The following CDYL2 variants were observed in gnomAD, a reference collection of about 807,000 sequenced individuals.
CDYL2 encodes chromodomain Y-like protein 2.
Under a neutral mutation model 49.4 loss-of-function variants are expected in CDYL2, and 23 were observed. That is an observed-to-expected ratio of 0.47 (90% confidence interval 0.34 to 0.66). The LOEUF (loss-of-function observed/expected upper bound fraction) is 0.66. CDYL2 is among the 30% of genes least tolerant of loss of function. The pLI, the probability that CDYL2 is intolerant of heterozygous loss-of-function variation, is 0.01. For synonymous variants in CDYL2, 360 were observed against 268.8 expected (o/e 1.34, Z -3.32); for missense variants, 678 against 656.4 (o/e 1.03, Z -0.36).
intron 1 of CDYL2, among the ~76,000 whole-genome samples, chr16:80,788,200 T>C (rs571035295): frequency 2.0e-5 from 3 of 152,358 alleles, no homozygotes; most frequent in Admixed American, 2.0e-4. Context: ...ATCAGTCTTC[T>C]CACTGCTAAA....
chr16:80,723,956 G>T (rs1015206806), intron 1 of CDYL2, among the ~76,000 whole-genome samples: 1 of 148,324 alleles, frequency 6.7e-6, no homozygotes, highest in Non-Finnish European at 1.5e-5. Context: ...AGAAAAAGGG[G>T]GGAGAAAGAG....
At chr16:80,699,494 A>G (rs1008333889) in intron 1 of CDYL2, among the ~76,000 whole-genome samples, 2 of 150,468 alleles carry the variant, frequency 1.3e-5, no homozygotes, top group Non-Finnish European at 3.0e-5. Context: ...GTAGAACAGT[A>G]GTTACTAGAG....
chr16:80,790,016 T>C (rs886859805), intron 1 of CDYL2, among the ~76,000 whole-genome samples: 1 of 152,324 alleles, frequency 6.6e-6, no homozygotes, highest in Non-Finnish European at 1.5e-5. Flanking sequence ...GTAATACTTA[T>C]GTAACAAACT....
At chr16:80,735,704 G>A (rs1369924349) in intron 1 of CDYL2, among the ~76,000 whole-genome samples, 3 of 151,968 alleles carry the variant, frequency 2.0e-5, no homozygotes, top group Non-Finnish European at 2.9e-5. Flanking sequence ...TTTTTCTCAG[G>A]GACCACATAG....
intron 2 of CDYL2, among the ~76,000 whole-genome samples, chr16:80,648,830 C>T (rs146007101): frequency 7.5e-4 from 114 of 152,182 alleles, no homozygotes; most frequent in African/African-American, 2.7e-3. Context: ...GGGATACAAG[C>T]ATGGTTCAAC....
At chr16:80,715,097 GAGAT>G (rs1312574968) in intron 1 of CDYL2, among the ~76,000 whole-genome samples, 83 of 152,266 alleles carry the variant, frequency 5.5e-4, no homozygotes, top group African/African-American at 1.8e-3. Context: ...AACTGGAGAT[GAGAT>G]CAAAGTAAGT....
intron 1 of CDYL2, among the ~76,000 whole-genome samples, chr16:80,737,683 G>C (rs1004192155): frequency 1.3e-5 from 2 of 152,198 alleles, no homozygotes; most frequent in African/African-American, 4.8e-5. Flanking sequence ...TGAAGGCTTT[G>C]TTAAGACACA....
intron 1 of CDYL2, among the ~76,000 whole-genome samples, chr16:80,757,482 G>C (rs1358841823): frequency 6.7e-6 from 1 of 149,878 alleles, no homozygotes; most frequent in African/African-American, 2.5e-5. Context: ...CAAGGCTGCA[G>C]TAAGCTTGAT....
At chr16:80,742,861 A>G (rs970772475) in intron 1 of CDYL2, among the ~76,000 whole-genome samples, 1 of 150,154 alleles carries the variant, frequency 6.7e-6, no homozygotes, top group African/African-American at 2.5e-5. Flanking sequence ...GGATATATGA[A>G]TGGGTGAGTG....
At chr16:80,803,950 C>CGCGGGAG (rs1384099433) in intron 1 of CDYL2, among the ~76,000 whole-genome samples, 200 bp downstream of exon 1, 3 of 140,362 alleles carry the variant, frequency 2.1e-5, no homozygotes, top group Admixed American at 7.0e-5. Flanking sequence ...GCGCGGGCGC[C>CGCGGGAG]GCGGGAGGCG....
intron 1 of CDYL2, among the ~76,000 whole-genome samples, chr16:80,737,489 C>T (rs1420714077): frequency 1.3e-5 from 2 of 152,184 alleles, no homozygotes; most frequent in African/African-American, 4.8e-5. Context: ...AGCTCTTCAG[C>T]CACTGTATTA....
intron 1 of CDYL2, among the ~76,000 whole-genome samples, chr16:80,708,187 A>ATATGGT (rs1258306307): frequency 1.3e-5 from 2 of 152,162 alleles, no homozygotes; most frequent in Non-Finnish European, 2.9e-5. Context: ...TTATCTTGTC[A>ATATGGT]TATGGTTTGG....
At chr16:80,744,119 G>T (rs574683616) in intron 1 of CDYL2, among the ~76,000 whole-genome samples, 1 of 152,172 alleles carries the variant, frequency 6.6e-6, no homozygotes. Flanking sequence ...GAAGCACAGA[G>T]AAGTTAGAGC....
chr16:80,709,006 A>G (rs965115958), intron 1 of CDYL2, among the ~76,000 whole-genome samples: 1 of 152,260 alleles, frequency 6.6e-6, no homozygotes, highest in African/African-American at 2.4e-5. Flanking sequence ...CTGTTTGCAA[A>G]TTGAACAGAA....
intron 1 of CDYL2, chr16:80,741,984 C>T (rs374778312): frequency 1.6e-4 from 25 of 152,216 alleles, no homozygotes; most frequent in South Asian, 4.1e-4. Context: ...AACATCACCA[C>T]GTTATGGGAA....
intron 4 of CDYL2, among the ~76,000 whole-genome samples, chr16:80,616,177 A>C (rs1020499107): frequency 1.3e-5 from 2 of 152,154 alleles, no homozygotes; most frequent in Non-Finnish European, 2.9e-5. Flanking sequence ...GCCCCTAACT[A>C]ATGGTGAGAC....
chr16:80,780,534 AGCTGGGATTACAG>A (rs1344928899), intron 1 of CDYL2, among the ~76,000 whole-genome samples: 1 of 150,020 alleles, frequency 6.7e-6, no homozygotes, highest in Non-Finnish European at 1.5e-5. Flanking sequence ...CCTCCCAAGT[AGCTGGGATTACAG>A]GCACCTGCCA....
At chr16:80,668,371 T>C (rs1338098099) in intron 2 of CDYL2, among the ~76,000 whole-genome samples, 2 of 152,224 alleles carry the variant, frequency 1.3e-5, no homozygotes, top group Non-Finnish European at 2.9e-5. Flanking sequence ...TATACATATC[T>C]ATACCTACAT....
chr16:80,775,946 A>G (rs1907068310), intron 1 of CDYL2, among the ~76,000 whole-genome samples: 1 of 151,834 alleles, frequency 6.6e-6, no homozygotes, highest in Non-Finnish European at 1.5e-5. Flanking sequence ...TATTGGTCAT[A>G]CATTATTAGG....
Sources: gnomAD v4.1 joint callset for allele counts (sites outside exome capture counted in the v4.1 genomes callset) on GRCh38, gnomAD v4.1.1 for gene constraint, MANE v1.5 for transcripts, NCBI Gene and HGNC (gene_info 2026-07-23, HGNC 2026-07-21) for gene names.